UBXN4: variants seen among roughly 807,000 people sequenced by gnomAD.
UBXN4 encodes UBX domain protein 4.
In UBXN4, 35 loss-of-function variants were observed where a neutral mutation model predicts 66.2. That is an observed-to-expected ratio of 0.53 (90% CI 0.40 to 0.70). UBXN4 has a LOEUF of 0.70. Among genes scored for constraint, UBXN4 ranks in the 30% least tolerant of loss-of-function variants. The pLI, the probability that UBXN4 is intolerant of heterozygous loss-of-function variation, is 0.00. For missense variants in UBXN4, 533 were observed against 599.8 expected (o/e 0.89, Z 1.16); for synonymous variants, 203 against 204.5 (o/e 0.99, Z 0.06).
At chr2:135,748,666 A>G (rs1009634330) in intron 2 of UBXN4, among the ~76,000 whole-genome samples, 1 of 151,474 alleles carries the variant, frequency 6.6e-6, no homozygotes, top group Non-Finnish European at 1.5e-5. Flanking sequence ...CTGGGGCTAC[A>G]GTGAGCTGTG....
intron 2 of UBXN4, among the ~76,000 whole-genome samples, chr2:135,752,732 C>T (rs60558655): frequency 6.6e-6 from 1 of 152,048 alleles, no homozygotes; most frequent in Non-Finnish European, 1.5e-5. Context: ...ATAGTTCTTT[C>T]TCTTTTGAGA....
At chr2:135,751,268 G>C (rs889219114) in intron 2 of UBXN4, among the ~76,000 whole-genome samples, 4 of 151,266 alleles carry the variant, frequency 2.6e-5, no homozygotes, top group Admixed American at 2.6e-4. Flanking sequence ...CTCACTGCAA[G>C]CTCCGCCTCC....
chr2:135,760,573 C>A (rs927550392), intron 5 of UBXN4, among the ~76,000 whole-genome samples: 1 of 152,208 alleles, frequency 6.6e-6, no homozygotes, highest in African/African-American at 2.4e-5. Flanking sequence ...GTCATAGATT[C>A]ACCTAACTGT....
intron 6 of UBXN4, among the ~76,000 whole-genome samples, 173 bp from the exon 7 acceptor site, chr2:135,769,596 T>C (rs541138132): frequency 6.6e-6 from 1 of 152,274 alleles, no homozygotes; most frequent in African/African-American, 2.4e-5. Flanking sequence ...TGGGCTCTCG[T>C]TGACTCCAGG....
chr2:135,760,229 G>A (rs1231764055), intron 5 of UBXN4, among the ~76,000 whole-genome samples: 2 of 151,954 alleles, frequency 1.3e-5, no homozygotes, highest in East Asian at 1.9e-4. Context: ...TCAGGAGTTC[G>A]AGACCAGCCT....
chr2:135,770,720 A>T lies in UBXN4; in HGVS notation c.807A>T (p.Lys269Asn). ...AEDRAARERI[K>N]QQIALDRAER... ...ATAGGGCAGCTCGAGAACGTATAAA[A>T]CAGCAGATTGCATTGGTAAGTCTTA... The change falls in exon 8 of 13, where the codon AAA (lysine) becomes AAT (asparagine). Residue 269 changes from lysine to asparagine, a missense_variant. By Grantham distance (94) the Lys-to-Asn change is moderately conservative. Around this residue, in one of 2 missense-constraint regions of UBXN4, gnomAD observed 529 missense variants for 580.1 expected, o/e 0.91. Coordinates refer to ENST00000272638, the MANE Select transcript of UBXN4 (RefSeq NM_014607.4). 6.5e-7 allele frequency: 1 copy of T among 1,529,384 alleles called. No individual in the cohort carries two copies. 94.7% of individuals were successfully genotyped at this position (1,529,384 alleles called of 1,614,324 possible).
chr2:135,771,599 G>A (rs1369452910), intron 8 of UBXN4, among the ~76,000 whole-genome samples: 1 of 152,178 alleles, frequency 6.6e-6, no homozygotes, highest in Non-Finnish European at 1.5e-5. Flanking sequence ...TTTTAGTCTT[G>A]TTGCTCAGGC....
At chr2:135,777,355 AC>A (rs2077422416) in intron 10 of UBXN4, among the ~76,000 whole-genome samples, 1 of 152,128 alleles carries the variant, frequency 6.6e-6, no homozygotes, top group Admixed American at 6.5e-5. Context: ...TTTCCGCCAG[AC>A]CTTTTCTCCA....
rs1043888163 is a variant in UBXN4, at chr2:135,763,272, C to T, written c.602+1361C>T. 3.9e-5 allele frequency among the ~76,000 whole-genome samples: 6 copies of T among 152,156 alleles called. No homozygotes were observed. In the East Asian group the frequency reaches 1.2e-3, roughly 29 times the overall value. ...CGTTCTCACCATCCCCTGCCATAGACTGTGAAGCTCTTGTGCCCTCAACTA... is the reference window on the plus strand; with the variant it reads ...CGTTCTCACCATCCCCTGCCATAGATTGTGAAGCTCTTGTGCCCTCAACTA... On this transcript the variant is annotated intron_variant, in intron 6 of 12. Transcript: ENST00000272638.
chr2:135,761,796 T>C, intron 5 of UBXN4, 22 bp from the exon 6 acceptor site: 1 of 1,565,318 alleles, frequency 6.4e-7, no homozygotes, highest in Non-Finnish European at 8.6e-7. Context: ...GTATTCTTAT[T>C]TCTTTTTATT....
chr2:135,758,031 C>G (rs529204360), intron 5 of UBXN4, among the ~76,000 whole-genome samples: 1 of 151,860 alleles, frequency 6.6e-6, no homozygotes, highest in Admixed American at 6.6e-5. Flanking sequence ...GCTTCAGCCA[C>G]CTGAGTAGCT....
chr2:135,744,875 A>T (rs2077197076), intron 1 of UBXN4, among the ~76,000 whole-genome samples: 1 of 152,208 alleles, frequency 6.6e-6, no homozygotes, highest in African/African-American at 2.4e-5. Flanking sequence ...TTAAGCATTG[A>T]GTAATTCCAT....
At chr2:135,750,108 C>T (rs1297219322) in intron 2 of UBXN4, among the ~76,000 whole-genome samples, 2 of 152,152 alleles carry the variant, frequency 1.3e-5, no homozygotes, top group Non-Finnish European at 2.9e-5. Flanking sequence ...ATGATGTTAG[C>T]AGCTATCAGT....
At chr2:135,774,207 A>G (rs1289058771) in intron 9 of UBXN4, among the ~76,000 whole-genome samples, 2 of 152,196 alleles carry the variant, frequency 1.3e-5, no homozygotes, top group Non-Finnish European at 2.9e-5. Context: ...AAACCCTTAC[A>G]TTTATGAACT....
chr2:135,768,291 C>G (rs1169415177), intron 6 of UBXN4, among the ~76,000 whole-genome samples: 1 of 152,012 alleles, frequency 6.6e-6, no homozygotes, highest in Non-Finnish European at 1.5e-5. Flanking sequence ...CTCCGCCCCC[C>G]AGGTTCAAGC....
chr2:135,773,725 G>T (rs1009351131), intron 9 of UBXN4, among the ~76,000 whole-genome samples: 3 of 152,130 alleles, frequency 2.0e-5, no homozygotes, highest in African/African-American at 7.2e-5. Flanking sequence ...TCTTCTCTGT[G>T]CCTTTTCATA....
rs551742396 is a variant in UBXN4 at position 135,759,641 on chromosome 2, G to C, written c.509-2177G>C. 1.1e-4 allele frequency among the ~76,000 whole-genome samples: 17 copies of C among 152,210 alleles called. No homozygotes were observed. The South Asian group carries it at 3.5e-3, about 32-fold the overall frequency. On this transcript the variant is annotated intron_variant, in intron 5 of 12. Coordinates refer to ENST00000272638, the MANE Select transcript of UBXN4 (RefSeq NM_014607.4). Reference sequence around the variant, plus strand: ...ATGATGATGTATATTTCTCTCAGGAGATACATTATGCCTGTTATTCCAGTT... The same window carrying C: ...ATGATGATGTATATTTCTCTCAGGACATACATTATGCCTGTTATTCCAGTT...
intron 1 of UBXN4, among the ~76,000 whole-genome samples, chr2:135,746,795 G>C (rs1405050081): frequency 1.3e-5 from 2 of 152,316 alleles, no homozygotes; most frequent in East Asian, 3.9e-4. Flanking sequence ...GATGTATGGG[G>C]CCTTCAAGCG....
At chr2:135,748,408 T>C in intron 2 of UBXN4, 39 bp downstream of exon 2, 1 of 1,413,770 alleles carries the variant, frequency 7.1e-7, no homozygotes, top group Non-Finnish European at 9.5e-7. Flanking sequence ...TTTTAAAATT[T>C]ATAAGTATTG....
Sources: gnomAD v4.1 joint callset for allele counts (sites outside exome capture counted in the v4.1 genomes callset) on GRCh38, gnomAD v4.1.1 for gene constraint, gnomAD v4.1.1 regional missense constraint, MANE v1.5 for transcripts, NCBI Gene and HGNC (gene_info 2026-07-23, HGNC 2026-07-21) for gene names.